The following DHX30 variants were observed in gnomAD, a reference collection of about 807,000 sequenced individuals.
The protein encoded by DHX30 is ATP-dependent RNA helicase DHX30.
A neutral mutation model predicts 116.9 loss-of-function variants in DHX30; 4 were observed. The observed-to-expected ratio is 0.03, with a 90% CI of 0.02 to 0.08. The LOEUF (loss-of-function observed/expected upper bound fraction) is 0.08. Ranked by LOEUF, DHX30 falls within the 10% of genes least tolerant of loss-of-function variation. DHX30 has a pLI of 1.00. For synonymous variants in DHX30, 697 were observed against 651.7 expected (o/e 1.07, Z -1.06); for missense variants, 871 against 1,595.1 (o/e 0.55, Z 7.73).
chr3:47,817,042 C>A (rs1399024684), intron 3 of DHX30: 3 of 769,316 alleles, frequency 3.9e-6, no homozygotes, highest in African/African-American at 3.8e-5. Flanking sequence ...TGATATCTTT[C>A]TCCTCTTTAC....
intron 9 of DHX30, 96 bp downstream of exon 9, chr3:47,843,351 C>T (rs2037462476): frequency 5.3e-6 from 8 of 1,522,128 alleles, no homozygotes; most frequent in Non-Finnish European, 7.1e-6. Flanking sequence ...GAAATGAAAC[C>T]ACCACAGCAG....
rs2037342997 is a variant in DHX30, at chr3:47,840,871, C to T, written c.367-6C>T. On this transcript the variant is annotated splice_polypyrimidine_tract_variant and splice_region_variant and intron_variant, in intron 6 of 21. Transcript: ENST00000445061. ...CAATCCTTAAAACGTCCCTTTTCCC[C>T]TCCAGGGTTGGGGTCTGCTAGGTCC... The T allele has an allele frequency of 6.2e-7, 1 of 1,614,098 alleles. No homozygotes were observed. Among genetic ancestry groups the T allele is most frequent in the South Asian group, 1.1e-5 (1 of 91,074 alleles).
chr3:47,825,162 C>T (rs1434074196), intron 4 of DHX30: 1 of 670,078 alleles, frequency 1.5e-6, no homozygotes, highest in Non-Finnish European at 2.7e-6. Flanking sequence ...GCTGCGCCCA[C>T]CCCGACCACA....
intron 9 of DHX30, among the ~76,000 whole-genome samples, chr3:47,845,283 G>T (rs2037554841): frequency 6.6e-6 from 1 of 152,120 alleles, no homozygotes; most frequent in African/African-American, 2.4e-5. Context: ...TGTCTCCAGG[G>T]TTCAGGCGAT....
At position 47,848,031 on chromosome 3, in the gene DHX30, T is replaced by C; in HGVS notation, c.2286+75T>C. 6.3e-7 allele frequency: 1 copy of C among 1,595,494 alleles called. No homozygotes were observed. On this transcript the variant is annotated intron_variant, in intron 14 of 21. Coordinates refer to ENST00000445061, the MANE Select transcript of DHX30 (RefSeq NM_138615.3). This position sits in a 1 kb window ranked among gnomAD's most constrained non-coding sequence, Gnocchi z 9.4. ...TTTGAGGTGGTCCCCAGCCCAGATCTACCTTAGACCTGCTTTGTGTGTCTT... is the reference window on the plus strand; with the variant it reads ...TTTGAGGTGGTCCCCAGCCCAGATCCACCTTAGACCTGCTTTGTGTGTCTT...
chr3:47,825,615 G>A (rs749590580), intron 4 of DHX30, among the ~76,000 whole-genome samples: 1 of 152,198 alleles, frequency 6.6e-6, no homozygotes, highest in Admixed American at 6.5e-5. Context: ...GGGACATCAG[G>A]ATCTCAAATA....
intron 4 of DHX30, among the ~76,000 whole-genome samples, chr3:47,824,470 T>C (rs2036445785): frequency 6.6e-6 from 1 of 152,160 alleles, no homozygotes; most frequent in African/African-American, 2.4e-5. Flanking sequence ...TTTTAAACTT[T>C]TAATAGAGTT....
chr3:47,840,623 G>A (rs926037480), intron 6 of DHX30, among the ~76,000 whole-genome samples: 6 of 152,044 alleles, frequency 3.9e-5, no homozygotes, highest in South Asian at 2.1e-4. Flanking sequence ...GTGACAGAGC[G>A]AGACCCTGTG....
At position 47,849,238 on chromosome 3, in the gene DHX30, G is replaced by C. The variant is rs896150327; in HGVS notation, c.2976G>C (p.Val992=). 6.2e-7 allele frequency: 1 copy of C among 1,614,118 alleles called. No homozygotes were observed. The highest frequency in any genetic ancestry group is 8.5e-7 in the Non-Finnish European group (1 of 1,180,010). Residue 992 remains valine, a synonymous_variant, in exon 19 of 22, where the codon GTG becomes GTC. Coordinates refer to ENST00000445061, the MANE Select transcript of DHX30 (RefSeq NM_138615.3). ...FSENIYEAFL[V]GKPSDCTLAS... is the part of the protein sequence containing the mutation. ...AGAACATTTATGAGGCCTTCCTGGT[G>C]GGGAAGCCCTCGGACTGCACCCTGG...
intron 2 of DHX30, among the ~76,000 whole-genome samples, chr3:47,810,179 G>A (rs2035729709): frequency 6.6e-6 from 1 of 152,186 alleles, no homozygotes; most frequent in African/African-American, 2.4e-5. Flanking sequence ...AGCCCAGTAA[G>A]GCAGTTTGCC....
Position 47,849,495 on chromosome 3 carries a change from C to G in DHX30, c.3132C>G (p.Asn1044Lys). 2 of 1,588,930 alleles carry G rather than the reference C, an allele frequency of 1.3e-6. No homozygotes were observed. The highest frequency in any genetic ancestry group is 1.7e-6 in the Non-Finnish European group (2 of 1,163,222). The change falls in exon 20 of 22, where the codon AAC becomes AAG. Residue 1044 changes from asparagine to lysine, a missense_variant. Asn to Lys is a moderately conservative substitution (Grantham distance 94). Around this residue, in one of 13 missense-constraint regions of DHX30, gnomAD observed 238 missense variants for 481.0 expected, o/e 0.49. Coordinates refer to ENST00000445061, the MANE Select transcript of DHX30 (RefSeq NM_138615.3). ...KVTRQGKFKP[N>K]SVTYRTKSGN... ...CCCGGCAGGGGAAGTTCAAGCCCAACAGCGTCACATATAGGACCAAATCAG... is the reference window on the plus strand; with the variant it reads ...CCCGGCAGGGGAAGTTCAAGCCCAAGAGCGTCACATATAGGACCAAATCAG...
Position 47,850,023 on chromosome 3 carries a change from G to T in DHX30, c.3488G>T (p.Ser1163Ile). 1 of 1,609,948 alleles carries T rather than the reference G, an allele frequency of 6.2e-7. No homozygotes were observed. The highest frequency in any genetic ancestry group is 8.5e-7 in the Non-Finnish European group (1 of 1,178,974). Residue 1163 changes from serine (S) to isoleucine (I), a missense_variant, in exon 22 of 22, where the codon AGC becomes ATC. Coordinates refer to ENST00000445061, the MANE Select transcript of DHX30 (RefSeq NM_138615.3). ...AGCGAGCTGGCTGCACTTCCCCCCA[G>T]CGTACAGGAGGAGCACGGGCAGCTG... is the stretch of plus-strand genomic sequence containing the variant. ...LRSELAALPP[S>I]VQEEHGQLLA...
intron 4 of DHX30, chr3:47,821,982 G>T (rs1307716557): frequency 6.6e-6 from 1 of 152,220 alleles, no homozygotes; most frequent in Non-Finnish European, 1.5e-5. Context: ...TGGGGCATAT[G>T]CTTTCTGTTG....
chr3:47,834,436 A>G (rs2037009998), intron 6 of DHX30, among the ~76,000 whole-genome samples: 1 of 151,902 alleles, frequency 6.6e-6, no homozygotes, highest in South Asian at 2.1e-4. Context: ...TGGTTTACTT[A>G]GCATAATGTC....
At chr3:47,828,285 C>A (rs185644255) in intron 5 of DHX30, among the ~76,000 whole-genome samples, 2 of 150,622 alleles carry the variant, frequency 1.3e-5, no homozygotes, top group African/African-American at 4.9e-5. Flanking sequence ...CATAGTGAGA[C>A]CCCATTTCTA....
Position 47,803,153 on chromosome 3 carries a change from T to C in DHX30, c.-182T>C, listed in dbSNP as rs1416760707. 4 of 392,626 alleles carry C rather than the reference T, an allele frequency of 1.0e-5. No homozygotes were observed. The highest frequency in any genetic ancestry group is 2.1e-5 in the African/African-American group (1 of 48,294). The allele number at this position is 392,626 out of a possible 1,614,324, so 24.3% of individuals were successfully genotyped here. A position where few individuals can be genotyped will look rare whatever the true frequency, so the allele number is the denominator to read the frequency against. On this transcript the variant is annotated 5_prime_UTR_variant, in exon 1 of 22. Coordinates refer to ENST00000445061, the MANE Select transcript of DHX30 (RefSeq NM_138615.3). The stretch of plus-strand genomic sequence containing the variant: ...GCTGGGAGTTGTAGTCCGGCCGTGG[T>C]TGGGGGAGCCGCGGCTCATGCGCGG...
chr3:47,845,935 A>G (rs1198947570), intron 10 of DHX30, 83 bp downstream of exon 10: 1 of 1,521,988 alleles, frequency 6.6e-7, no homozygotes, highest in Non-Finnish European at 8.8e-7. Context: ...CACCTGCGAC[A>G]GGCAGTAGTA....
intron 3 of DHX30, among the ~76,000 whole-genome samples, chr3:47,814,938 G>C (rs550774592): frequency 6.6e-6 from 1 of 150,512 alleles, no homozygotes; most frequent in South Asian, 2.1e-4. Context: ...TTCCCAGGCT[G>C]TTCTCAAACT....
At chr3:47,827,609 T>C in intron 5 of DHX30, 132 bp downstream of exon 5, 1 of 1,262,156 alleles carries the variant, frequency 7.9e-7, no homozygotes, top group East Asian at 2.6e-5. Context: ...CAGCAGAGAC[T>C]CAGAGCAAAG....
Sources: allele counts gnomAD v4.1 joint callset (sites outside exome capture counted in the v4.1 genomes callset), GRCh38; gene constraint gnomAD v4.1.1; regional missense constraint gnomAD v4.1.1; non-coding constraint Gnocchi (gnomAD v3.1); transcripts MANE v1.5; gene names NCBI Gene and HGNC (gene_info 2026-07-23, HGNC 2026-07-21).